The following ZNF600 variants were observed in gnomAD, a reference collection of about 807,000 sequenced individuals.
ZNF600 encodes zinc finger protein KR-ZNF1.
ZNF600 carries 4 observed loss-of-function variants against 7.3 expected under a neutral mutation model. The observed-to-expected ratio is 0.55, with a 90% CI of 0.27 to 1.25. The LOEUF (loss-of-function observed/expected upper bound fraction) is 1.25. Ranked by LOEUF, ZNF600 falls within the 50% of genes most tolerant of loss-of-function variation. ZNF600 has a pLI of 0.12. For missense variants in ZNF600, 911 were observed against 922.1 expected (o/e 0.99, Z 0.16); for synonymous variants, 290 against 308.9 (o/e 0.94, Z 0.64).
At chr19:52,798,647 G>A in the ZNF600 span, 1 of 438,512 alleles carries the variant, frequency 2.3e-6, no homozygotes, top group South Asian at 1.8e-5. Context: ...TGCATAGGAT[G>A]AAACTTGACT....
the ZNF600 span, among the ~76,000 whole-genome samples, chr19:52,818,582 C>T: frequency 6.6e-6 from 1 of 152,038 alleles, no homozygotes. Flanking sequence ...GCTTGATGCG[C>T]ATCTGTAATC....
At chr19:52,818,515 G>A in the ZNF600 span, among the ~76,000 whole-genome samples, 34 of 151,934 alleles carry the variant, frequency 2.2e-4, no homozygotes, top group African/African-American at 7.0e-4. Flanking sequence ...GAGTTCAAGA[G>A]CAGCCTGGCC....
chr19:52,793,763 GCCACAC>G, the ZNF600 span, among the ~76,000 whole-genome samples: 1 of 99,434 alleles, frequency 1.0e-5, no homozygotes, highest in African/African-American at 3.9e-5. Context: ...GCCAAACTCT[GCCACAC>G]ACACACACAC....
chr19:52,807,990 C>G, the ZNF600 span: 1 of 1,612,804 alleles, frequency 6.2e-7, no homozygotes, highest in Admixed American at 1.7e-5. Context: ...GGCACATCCC[C>G]AGGAGGTTAT....
At position 52,772,323 on chromosome 19, in the gene ZNF600, C is replaced by T. The variant is rs950681935; in HGVS notation, c.190+2252G>A. ...AACTCCATTTAAAAAACAAAAAAGG[C>T]CAGACACAGTGGCTCAGGCCTGTAA... On this transcript the variant is annotated intron_variant, in intron 3 of 3. Transcript: ENST00000648973. Among the ~76,000 whole-genome samples, 35 of 152,034 alleles carry T rather than the reference C, an allele frequency of 2.3e-4. 1 individual carries two copies. The highest frequency in any genetic ancestry group is 6.3e-4 in the African/African-American group (26 of 41,464).
At chr19:52,789,784 G>A (rs773896700), upstream of ZNF600, among the ~76,000 whole-genome samples, 3 of 152,254 alleles carry the variant, frequency 2.0e-5, no homozygotes, top group South Asian at 2.1e-4. Flanking sequence ...ATGAGCATTC[G>A]TGTGAAGAGA....
chr19:52,818,510 C>T, the ZNF600 span, among the ~76,000 whole-genome samples: 1,263 of 152,054 alleles, frequency 8.3e-3, 8 homozygotes, highest in South Asian at 0.017. Flanking sequence ...GTCAGGAGTT[C>T]AAGAGCAGCC....
intron 1 of ZNF600, among the ~76,000 whole-genome samples, chr19:52,782,596 C>T (rs1233221010): frequency 6.6e-6 from 1 of 151,868 alleles, no homozygotes; most frequent in Admixed American, 6.6e-5. Flanking sequence ...TAATGAGGCC[C>T]AGTGTGATGG....
chr19:52,765,812 A>G (rs1224024852), exon 4 of ZNF600: 13 of 1,613,924 alleles, frequency 8.1e-6, no homozygotes, highest in Middle Eastern at 1.7e-4. Flanking sequence ...GTGATTTGCG[A>G]CTGAAAACTT....
the ZNF600 span, among the ~76,000 whole-genome samples, chr19:52,804,318 T>G: frequency 6.6e-6 from 1 of 152,188 alleles, no homozygotes; most frequent in African/African-American, 2.4e-5. Flanking sequence ...GTTTTTGAGA[T>G]GGAGTCATGC....
chr19:52,829,780 G>A, the ZNF600 span, among the ~76,000 whole-genome samples: 2 of 152,024 alleles, frequency 1.3e-5, no homozygotes, highest in Non-Finnish European at 2.9e-5. Context: ...CCAAAGTGCT[G>A]GGATTAGAGG....
At chr19:52,830,324 T>G in the ZNF600 span, among the ~76,000 whole-genome samples, 2 of 151,806 alleles carry the variant, frequency 1.3e-5, no homozygotes, top group Non-Finnish European at 2.9e-5. Flanking sequence ...ATTTCTCAAA[T>G]AAGTTCTCAA....
At chr19:52,767,113 C>G in exon 4 of ZNF600, 1 of 1,613,840 alleles carries the variant, frequency 6.2e-7, no homozygotes, top group Non-Finnish European at 8.5e-7. Flanking sequence ...TAAGGTTTCT[C>G]TCCAGTGTGA....
At chr19:52,820,587 G>C in the ZNF600 span, among the ~76,000 whole-genome samples, 6 of 151,896 alleles carry the variant, frequency 4.0e-5, no homozygotes, top group Non-Finnish European at 8.8e-5. Context: ...TCCCCGCTGT[G>C]CTTCTCCCTC....
chr19:52,831,408 T>C, the ZNF600 span, among the ~76,000 whole-genome samples: 199 of 152,010 alleles, frequency 1.3e-3, 1 homozygote, highest in African/African-American at 4.4e-3. Flanking sequence ...CACCCAGGTT[T>C]AAGCAATTCT....
At chr19:52,776,365 C>G (rs1314980009) in intron 2 of ZNF600, among the ~76,000 whole-genome samples, 1 of 151,592 alleles carries the variant, frequency 6.6e-6, no homozygotes, top group Non-Finnish European at 1.5e-5. Context: ...CCTACAAGGT[C>G]GCTGAATGGA....
the ZNF600 span, among the ~76,000 whole-genome samples, chr19:52,819,719 C>T: frequency 6.2e-3 from 868 of 140,600 alleles, 64 homozygotes; most frequent in African/African-American, 0.024. Flanking sequence ...ATCATCCCAT[C>T]CTTAAAATTA....
At chr19:52,772,463 C>T (rs1007061962) in intron 3 of ZNF600, among the ~76,000 whole-genome samples, 10 of 151,986 alleles carry the variant, frequency 6.6e-5, no homozygotes, top group African/African-American at 1.9e-4. Context: ...ATTAGCCAGG[C>T]GTGGTGGTGC....
At chr19:52,780,936 T>C (rs1489180264) in intron 1 of ZNF600, 1 of 152,080 alleles carries the variant, frequency 6.6e-6, no homozygotes, top group African/African-American at 2.4e-5. Flanking sequence ...TGCAAGGAAA[T>C]GTGTTTGGGG....
Sources: gnomAD v4.1 joint callset for allele counts (sites outside exome capture counted in the v4.1 genomes callset) on GRCh38, gnomAD v4.1.1 for gene constraint, MANE v1.5 for transcripts, NCBI Gene and HGNC (gene_info 2026-07-23, HGNC 2026-07-21) for gene names.